The following EYA4 variants were observed in gnomAD, a reference collection of about 807,000 sequenced individuals.
EYA4 encodes EYA transcriptional coactivator and phosphatase 4.
Under a neutral mutation model 87.9 loss-of-function variants are expected in EYA4, and 31 were observed. That is an observed-to-expected ratio of 0.35 (90% CI 0.27 to 0.48). EYA4 has a LOEUF of 0.48. Ranked by LOEUF, EYA4 falls within the 20% of genes least tolerant of loss-of-function variation. EYA4 has a pLI of 0.99. For synonymous variants in EYA4, 263 were observed against 270.6 expected (o/e 0.97, Z 0.28); for missense variants, 678 against 761.4 (o/e 0.89, Z 1.29).
chr6:133,424,826 G>T (rs1053143060), intron 3 of EYA4, among the ~76,000 whole-genome samples: 3 of 150,832 alleles, frequency 2.0e-5, no homozygotes, highest in Non-Finnish European at 4.4e-5. Flanking sequence ...GGCTACAGTG[G>T]CATCCAGGGA....
chr6:133,314,988 C>T lies in EYA4; in HGVS notation c.33+40175C>T, dbSNP rs750159325. ...TGGGGTGGTGACTGACTTTTCAATA[C>T]AACTTTAAGAGAACATTCTATATAA... On this transcript the variant is annotated intron_variant, in intron 2 of 19. Coordinates refer to ENST00000355286, the MANE Select transcript of EYA4 (RefSeq NM_004100.5). Among the ~76,000 whole-genome samples the T allele has an allele frequency of 3.2e-4, 49 of 152,144 alleles. 1 individual carries two copies. The highest frequency in any genetic ancestry group is 4.9e-4 in the Non-Finnish European group (33 of 68,026).
intron 1 of EYA4, among the ~76,000 whole-genome samples, chr6:133,264,818 G>GTTTC (rs549780999): frequency 1.1e-3 from 163 of 152,054 alleles, no homozygotes; most frequent in African/African-American, 3.4e-3. Context: ...GACAACCTAG[G>GTTTC]TTTCTTTCTT....
At chr6:133,465,924 C>T (rs1794796791) in intron 10 of EYA4, among the ~76,000 whole-genome samples, 2 of 152,090 alleles carry the variant, frequency 1.3e-5, no homozygotes, top group African/African-American at 4.8e-5. Flanking sequence ...TGTCTTAAAA[C>T]ACTAAACATC....
chr6:133,361,851 A>C (rs930816160), intron 2 of EYA4, among the ~76,000 whole-genome samples: 1 of 152,186 alleles, frequency 6.6e-6, no homozygotes, highest in Admixed American at 6.5e-5. Flanking sequence ...CAGCTGTTTG[A>C]AAGGTGCCCT....
chr6:133,371,154 T>C (rs1562341430), intron 2 of EYA4, among the ~76,000 whole-genome samples: 1 of 152,216 alleles, frequency 6.6e-6, no homozygotes, highest in Non-Finnish European at 1.5e-5. Flanking sequence ...GAAGCTTTGC[T>C]GTGTTGGGAC....
intron 2 of EYA4, among the ~76,000 whole-genome samples, chr6:133,307,040 CTA>C (rs1486754798): frequency 5.9e-5 from 9 of 152,154 alleles, no homozygotes; most frequent in Admixed American, 5.9e-4. Context: ...CTGTCATGTA[CTA>C]TATAAACCCA....
At chr6:133,504,755 A>G (rs1798443842) in intron 13 of EYA4, among the ~76,000 whole-genome samples, 1 of 152,176 alleles carries the variant, frequency 6.6e-6, no homozygotes, top group Non-Finnish European at 1.5e-5. Flanking sequence ...TCTCCTTGCA[A>G]ATGGAATCAG....
intron 2 of EYA4, among the ~76,000 whole-genome samples, chr6:133,313,640 G>A (rs908706639): frequency 6.6e-6 from 1 of 152,154 alleles, no homozygotes; most frequent in Non-Finnish European, 1.5e-5. Context: ...GCTAAAATAT[G>A]CTAACCAAGA....
chr6:133,469,135 G>A (rs1795110749), intron 11 of EYA4, among the ~76,000 whole-genome samples: 1 of 151,958 alleles, frequency 6.6e-6, no homozygotes, highest in Non-Finnish European at 1.5e-5. Context: ...CTACATTCCT[G>A]GGATTTGTAG....
intron 11 of EYA4, among the ~76,000 whole-genome samples, chr6:133,476,828 A>C (rs911304886): frequency 1.3e-5 from 2 of 152,086 alleles, no homozygotes; most frequent in African/African-American, 2.4e-5. Flanking sequence ...AGCATTTTCT[A>C]TAATGGCTGA....
intron 2 of EYA4, among the ~76,000 whole-genome samples, chr6:133,304,562 G>A (rs375111438): frequency 1.3e-5 from 2 of 152,200 alleles, no homozygotes; most frequent in Non-Finnish European, 2.9e-5. Context: ...TAAGTCTGGA[G>A]AAATACACTG....
intron 3 of EYA4, among the ~76,000 whole-genome samples, chr6:133,440,708 AT>A (rs1792189720): frequency 6.6e-6 from 1 of 152,200 alleles, no homozygotes. Context: ...TGAAGGGGAA[AT>A]TGTGACAATA....
intron 1 of EYA4, among the ~76,000 whole-genome samples, chr6:133,265,488 T>C (rs1046717041): frequency 2.0e-5 from 3 of 152,174 alleles, no homozygotes; most frequent in Non-Finnish European, 4.4e-5. Flanking sequence ...TTGGAGAATG[T>C]TCTCATCTTT....
chr6:133,461,271 C>T, intron 7 of EYA4, 91 bp downstream of exon 7: 2 of 916,208 alleles, frequency 2.2e-6, no homozygotes, highest in South Asian at 1.3e-5. Context: ...GGATAGATTA[C>T]ATATATAGAT....
At chr6:133,343,353 C>T (rs1782943554) in intron 2 of EYA4, among the ~76,000 whole-genome samples, 2 of 152,152 alleles carry the variant, frequency 1.3e-5, no homozygotes, top group African/African-American at 2.4e-5. Context: ...CACACTTTTA[C>T]TCTGTCCCCA....
chr6:133,503,978 C>T (rs931549385), intron 13 of EYA4, among the ~76,000 whole-genome samples: 7 of 152,242 alleles, frequency 4.6e-5, no homozygotes, highest in Admixed American at 1.3e-4. Flanking sequence ...AGTACAGTGG[C>T]ATGATCTTGG....
At chr6:133,439,801 C>T (rs547530487) in intron 3 of EYA4, among the ~76,000 whole-genome samples, 109 of 152,308 alleles carry the variant, frequency 7.2e-4, no homozygotes, top group African/African-American at 2.5e-3. Flanking sequence ...AAGCCCCCAC[C>T]AGGAATCACA....
At chr6:133,279,736 C>T (rs934483338) in intron 2 of EYA4, among the ~76,000 whole-genome samples, 12 of 152,004 alleles carry the variant, frequency 7.9e-5, no homozygotes, top group African/African-American at 2.2e-4. Context: ...TCCTAGAGAT[C>T]CTACAGTATT....
intron 3 of EYA4, among the ~76,000 whole-genome samples, chr6:133,438,473 A>G (rs1390243783): frequency 6.7e-6 from 1 of 150,304 alleles, no homozygotes; most frequent in African/African-American, 2.5e-5. Flanking sequence ...ATCATTAAGC[A>G]GATACCTCCC....
Sources: gnomAD v4.1 joint callset for allele counts (sites outside exome capture counted in the v4.1 genomes callset) on GRCh38, gnomAD v4.1.1 for gene constraint, MANE v1.5 for transcripts, NCBI Gene and HGNC (gene_info 2026-07-23, HGNC 2026-07-21) for gene names.